The following KIAA1671 variants were observed in gnomAD, a reference collection of about 807,000 sequenced individuals.
KIAA1671 encodes KIAA1671, also known as uncharacterized protein KIAA1671.
In KIAA1671, 52 loss-of-function variants were observed where a neutral mutation model predicts 131.2. The ratio of observed to expected loss-of-function variants is 0.40; its 90% CI spans 0.32 to 0.50. The LOEUF (loss-of-function observed/expected upper bound fraction) is 0.50. KIAA1671 is among the 20% of genes least tolerant of loss of function. The probability of loss-of-function intolerance (pLI) is 0.73; values close to 1 mark genes in which losing one functional copy is unlikely to be tolerated. For missense variants in KIAA1671, 2,360 were observed against 2,364.2 expected (o/e 1.00, Z 0.04); for synonymous variants, 1,003 against 961.6 (o/e 1.04, Z -0.80).
chr22:25,158,887 A>C (rs1048005705), intron 6 of KIAA1671, among the ~76,000 whole-genome samples: 1 of 152,202 alleles, frequency 6.6e-6, no homozygotes, highest in Non-Finnish European at 1.5e-5. Flanking sequence ...CTTATCTGTG[A>C]AATGGGGATA....
intron 1 of KIAA1671, among the ~76,000 whole-genome samples, chr22:25,008,941 C>T (rs6004390): frequency 6.6e-6 from 1 of 152,038 alleles, no homozygotes; most frequent in Non-Finnish European, 1.5e-5. Flanking sequence ...ATGGAGCCTT[C>T]GACTTAGGTG....
chr22:24,978,435 CTT>C (rs1382183378), intron 1 of KIAA1671, among the ~76,000 whole-genome samples: 1 of 152,086 alleles, frequency 6.6e-6, no homozygotes, highest in African/African-American at 2.4e-5. Context: ...TTAGGTATGT[CTT>C]TATCAGCAGC....
chr22:25,121,790 G>A (rs1931958114), intron 6 of KIAA1671, among the ~76,000 whole-genome samples: 1 of 152,214 alleles, frequency 6.6e-6, no homozygotes. Flanking sequence ...AAAGTAATTA[G>A]GAAGTGATGA....
chr22:25,069,326 T>C (rs1294208523), intron 6 of KIAA1671, among the ~76,000 whole-genome samples: 1 of 152,200 alleles, frequency 6.6e-6, no homozygotes. Context: ...GGTGACTTGC[T>C]AAAATCATGC....
intron 6 of KIAA1671, among the ~76,000 whole-genome samples, chr22:25,149,987 C>T (rs114892731): frequency 1.3e-5 from 2 of 152,332 alleles, no homozygotes; most frequent in African/African-American, 4.8e-5. Context: ...GGCCTTTGCG[C>T]TTCCCGTGCC....
chr22:25,040,075 C>T lies in KIAA1671; in HGVS notation c.2945C>T (p.Pro982Leu), dbSNP rs2145805926. The change falls in exon 5 of 13, where the codon CCC becomes CTC. Residue 982 changes from proline to leucine, a missense_variant. This residue lies in a region of KIAA1671 where 1,161 missense variants were observed against 1,204.7 expected (regional missense o/e 0.96). Transcript: ENST00000358431. The part of the protein sequence containing the change: ...VGHRRTDYVS[P>L]TASALRKPQL... ...CACAGACGAACAGATTATGTGAGCCCCACAGCCAGTGCCTTAAGAAAACCT... is the reference window on the plus strand; with the variant it reads ...CACAGACGAACAGATTATGTGAGCCTCACAGCCAGTGCCTTAAGAAAACCT... The T allele has an allele frequency of 6.4e-7, 1 of 1,551,670 alleles. No homozygotes were observed. The highest frequency in any genetic ancestry group is 1.2e-5 in the South Asian group (1 of 84,052).
At position 25,038,875 on chromosome 22, in the gene KIAA1671, C is replaced by T; in HGVS notation, c.1745C>T (p.Pro582Leu). The T allele has an allele frequency of 6.4e-7, 1 of 1,551,764 alleles. No homozygotes were observed. The highest frequency in any genetic ancestry group is 1.4e-5 in the African/African-American group (1 of 73,186). ...CAGAAGGTTAGCTCTAACCAAGACC[C>T]CGACAGCTGTCGCGGTGGAAGCTCA... ...TEQKVSSNQD[P>L]DSCRGGSSVE... The change falls in exon 5 of 13, where the codon CCC (proline) becomes CTC (leucine). Residue 582 changes from proline (P) to leucine (L), a missense_variant. By Grantham distance (98) the Pro-to-Leu change is moderately conservative. Around this residue, in one of 3 missense-constraint regions of KIAA1671, gnomAD observed 1,185 missense variants for 1,126.2 expected, o/e 1.05. Coordinates refer to ENST00000358431, the MANE Select transcript of KIAA1671 (RefSeq NM_001145206.2).
rs1926877037 is a variant in KIAA1671, at chr22:25,040,790, G to A, written c.3660G>A (p.Gln1220=). 1.3e-6 allele frequency: 2 copies of A among 1,551,666 alleles called. No individual in the cohort carries two copies. The highest frequency in any genetic ancestry group is 2.7e-5 in the African/African-American group (2 of 73,062). ...CGCTGAAAGTCCCTGGGGAGGCTCA[G>A]GAGAGGAGGAGTCCCACCGTGGAGC... ...ELSLKVPGEA[Q]ERRSPTVEPS... is the part of the protein sequence containing the mutation. Residue 1220 remains glutamine, a synonymous_variant, in exon 5 of 13, where the codon CAG becomes CAA. Coordinates refer to ENST00000358431, the MANE Select transcript of KIAA1671 (RefSeq NM_001145206.2).
chr22:25,161,595 G>A (rs1361017118), intron 6 of KIAA1671, among the ~76,000 whole-genome samples: 2 of 152,232 alleles, frequency 1.3e-5, no homozygotes, highest in Non-Finnish European at 2.9e-5. Context: ...TGAGGACCCC[G>A]GCTTTATCTT....
At chr22:25,159,090 C>T (rs1018472411) in intron 6 of KIAA1671, among the ~76,000 whole-genome samples, 2 of 152,112 alleles carry the variant, frequency 1.3e-5, no homozygotes, top group African/African-American at 4.8e-5. Context: ...GGAACCCTGC[C>T]TCTGAGGCCG....
At chr22:24,963,996 C>T (rs2123802182) in intron 1 of KIAA1671, among the ~76,000 whole-genome samples, 1 of 150,944 alleles carries the variant, frequency 6.6e-6, no homozygotes, top group Admixed American at 6.6e-5. Context: ...CATCTTTATG[C>T]AGACCCCACT....
intron 6 of KIAA1671, among the ~76,000 whole-genome samples, chr22:25,130,218 T>C (rs1426377730): frequency 1.3e-5 from 2 of 152,250 alleles, no homozygotes; most frequent in Non-Finnish European, 2.9e-5. Flanking sequence ...AAAAGGTATA[T>C]ATCATAAAGG....
intron 6 of KIAA1671, among the ~76,000 whole-genome samples, chr22:25,137,072 T>C (rs955962115): frequency 6.6e-6 from 1 of 152,168 alleles, no homozygotes; most frequent in Non-Finnish European, 1.5e-5. Flanking sequence ...ACCAAGTGGC[T>C]TTCCCTATAT....
rs1555877744 is a variant in KIAA1671, at chr22:25,093,823, T to TG, written c.4530+44459_4530+44460insG. On this transcript the variant is annotated intron_variant, in intron 6 of 12. Coordinates refer to ENST00000358431, the MANE Select transcript of KIAA1671 (RefSeq NM_001145206.2). ...CTCTCTCTCTCTCTGTCTCTCTCTC[T>TG]TTCTCTCTCTGTCTGTCTCTCTCTC... Among the ~76,000 whole-genome samples the TG allele has an allele frequency of 1.1e-3, 86 of 75,448 alleles. 5 individuals are homozygous for TG. The highest frequency in any genetic ancestry group is 3.1e-3 in the East Asian group (10 of 3,182). 49.5% of individuals were successfully genotyped at this position (75,448 alleles called of 152,430 possible).
At chr22:24,979,516 A>G (rs1315327000) in intron 1 of KIAA1671, among the ~76,000 whole-genome samples, 2 of 149,566 alleles carry the variant, frequency 1.3e-5, no homozygotes, top group African/African-American at 4.9e-5. Flanking sequence ...CGCCCGGCTA[A>G]TTTTTTGTAT....
intron 1 of KIAA1671, among the ~76,000 whole-genome samples, chr22:25,001,204 T>G (rs1262360972): frequency 6.9e-6 from 1 of 145,880 alleles, no homozygotes; most frequent in African/African-American, 2.6e-5. Flanking sequence ...TGTGTGTATG[T>G]GTATGTATGT....
chr22:24,988,539 A>C (rs1404433680), intron 1 of KIAA1671, among the ~76,000 whole-genome samples: 1 of 151,772 alleles, frequency 6.6e-6, no homozygotes, highest in Non-Finnish European at 1.5e-5. Context: ...TCAGGAGTTC[A>C]AGACCAGCCA....
At chr22:25,189,502 A>G (rs569024431) in intron 11 of KIAA1671, among the ~76,000 whole-genome samples, 63 of 152,260 alleles carry the variant, frequency 4.1e-4, no homozygotes, top group African/African-American at 1.5e-3. Context: ...CAGGCCTTCA[A>G]CTGAGTAGAT....
At chr22:24,960,932 G>A (rs1259093170) in intron 1 of KIAA1671, among the ~76,000 whole-genome samples, 3 of 152,144 alleles carry the variant, frequency 2.0e-5, no homozygotes, top group African/African-American at 7.2e-5. Flanking sequence ...TTGGCCATAG[G>A]ACATGGCCTC....
Sources: allele counts gnomAD v4.1 joint callset (sites outside exome capture counted in the v4.1 genomes callset), GRCh38; gene constraint gnomAD v4.1.1; regional missense constraint gnomAD v4.1.1; transcripts MANE v1.5; gene names NCBI Gene and HGNC (gene_info 2026-07-23, HGNC 2026-07-21).